The following TMC5 variants were observed in gnomAD, a reference collection of about 807,000 sequenced individuals.
The protein encoded by TMC5 is transmembrane channel-like protein 5.
A neutral mutation model predicts 110.5 loss-of-function variants in TMC5; 86 were observed. The observed-to-expected ratio is 0.78, with a 90% confidence interval of 0.65 to 0.93. The LOEUF (loss-of-function observed/expected upper bound fraction) is 0.93, where lower values mean the gene tolerates loss of function less well. Among genes scored for constraint, TMC5 ranks in the 40% least tolerant of loss-of-function variants. TMC5 has a pLI of 0.00. For synonymous variants in TMC5, 455 were observed against 439.5 expected (o/e 1.04, Z -0.44); for missense variants, 1,144 against 1,222.8 (o/e 0.94, Z 0.96).
chr16:19,414,466 T>C (rs1026772876), upstream of TMC5, among the ~76,000 whole-genome samples: 2 of 152,226 alleles, frequency 1.3e-5, no homozygotes, highest in African/African-American at 4.8e-5. Context: ...TATTCCAGAT[T>C]TCTCCCTCTC....
chr16:19,495,332 T>C lies in TMC5; in HGVS notation c.2931+966T>C, dbSNP rs1969026250. Among the ~76,000 whole-genome samples, 4 of 151,902 alleles carry C rather than the reference T, an allele frequency of 2.6e-5. 1 individual carries two copies. The South Asian group carries it at 8.4e-4, about 32-fold the overall frequency. ...CCCGGCCTACTTCAGTGTCTATTCT[T>C]GCAAATCTATTTCCCTAGGCATCTG... On this transcript the variant is annotated intron_variant, in intron 20 of 21. Transcript: ENST00000542583.
intron 1 of TMC5, among the ~76,000 whole-genome samples, chr16:19,418,730 T>A (rs145255007): frequency 7.4e-6 from 1 of 135,356 alleles, no homozygotes; most frequent in Non-Finnish European, 1.5e-5. Context: ...TTTTTGTGTT[T>A]TTTTTTTTTT....
chr16:19,465,903 A>C (rs1472556046), intron 8 of TMC5, among the ~76,000 whole-genome samples, 179 bp from the exon 9 acceptor site: 3 of 152,170 alleles, frequency 2.0e-5, no homozygotes, highest in African/African-American at 7.2e-5. Flanking sequence ...TTTCTTTTCA[A>C]GTCTGAGAGC....
intron 2 of TMC5, among the ~76,000 whole-genome samples, chr16:19,434,830 T>G (rs1235874613): frequency 6.6e-6 from 1 of 152,116 alleles, no homozygotes; most frequent in African/African-American, 2.4e-5. Context: ...TCCTATGAGA[T>G]ATTATTGTCA....
At chr16:19,487,120 AGCCAGGCCTG>A (rs1478831805) in intron 16 of TMC5, 63 bp from the exon 17 acceptor site, 86 of 1,606,152 alleles carry the variant, frequency 5.4e-5, no homozygotes, top group Non-Finnish European at 6.5e-5. Flanking sequence ...GGTGTCAGGA[AGCCAGGCCTG>A]GCTGGGGTCC....
At chr16:19,456,719 G>T in intron 5 of TMC5, 1 of 1,608,878 alleles carries the variant, frequency 6.2e-7, no homozygotes, top group South Asian at 1.1e-5. Context: ...GCTGTCCGAT[G>T]ACCACGTGAA....
intron 19 of TMC5, chr16:19,492,445 G>GATT (rs1015120409): frequency 8.1e-6 from 3 of 370,142 alleles, no homozygotes; most frequent in Non-Finnish European, 1.4e-5. Context: ...TAATTATGAT[G>GATT]ATTATTATTA....
In TMC5 at chr16:19,466,067, T is replaced by G; in HGVS notation, c.1486-15T>G. ...CAGGAGATCCACCTGACCTATGGTTTATTGTACCTTTCAGGGTTATTTTAG... is the reference window on the plus strand; with the variant it reads ...CAGGAGATCCACCTGACCTATGGTTGATTGTACCTTTCAGGGTTATTTTAG... On this transcript the variant is annotated splice_polypyrimidine_tract_variant and intron_variant, in intron 8 of 21. Coordinates refer to ENST00000542583, the MANE Select transcript of TMC5 (RefSeq NM_001261841.2). 1 of 1,613,568 alleles carries G rather than the reference T, an allele frequency of 6.2e-7. No individual in the cohort carries two copies. The highest frequency in any genetic ancestry group is 2.2e-5 in the East Asian group (1 of 44,858).
chr16:19,451,397 G>A (rs768884580), intron 5 of TMC5, among the ~76,000 whole-genome samples: 2 of 152,114 alleles, frequency 1.3e-5, no homozygotes, highest in Non-Finnish European at 2.9e-5. Flanking sequence ...GAAAACCGTT[G>A]GGATATAAAT....
At chr16:19,477,961 C>G (rs1191246687) in intron 13 of TMC5, among the ~76,000 whole-genome samples, 1 of 152,132 alleles carries the variant, frequency 6.6e-6, no homozygotes, top group East Asian at 1.9e-4. Flanking sequence ...CTGGGCTTTA[C>G]CAATATGTAA....
chr16:19,465,064 C>CG (rs1968144167), intron 8 of TMC5, among the ~76,000 whole-genome samples: 1 of 67,998 alleles, frequency 1.5e-5, no homozygotes, highest in Non-Finnish European at 2.9e-5. Context: ...TCTTTTCCTT[C>CG]CTTCCTTCCT....
chr16:19,414,598 G>T (rs189102556), upstream of TMC5, among the ~76,000 whole-genome samples: 18 of 152,256 alleles, frequency 1.2e-4, no homozygotes, highest in African/African-American at 4.1e-4. Context: ...TTTTGAAAAA[G>T]TTACACTGCC....
At chr16:19,479,626 G>A (rs371365281) in intron 14 of TMC5, 98 bp downstream of exon 14, 1 of 836,816 alleles carries the variant, frequency 1.2e-6, no homozygotes, top group Non-Finnish European at 2.0e-6. Context: ...CATACTCAAA[G>A]CGTGCGTTGT....
Position 19,444,385 on chromosome 16 carries a change from A to G in TMC5, c.958+135A>G, listed in dbSNP as rs188648946. 9 of 737,630 alleles carry G rather than the reference A, an allele frequency of 1.2e-5. No homozygotes were observed. In the East Asian group the frequency reaches 2.4e-4, roughly 20 times the overall value. 45.7% of individuals were successfully genotyped at this position (737,630 alleles called of 1,614,324 possible). On this transcript the variant is annotated intron_variant, in intron 4 of 21. Transcript: ENST00000542583. ...CAATCTCAGAGACCCTTGTTTTTACATACAAAAGTTGAGAATTCAGTGTTT... is the reference window on the plus strand; with the variant it reads ...CAATCTCAGAGACCCTTGTTTTTACGTACAAAAGTTGAGAATTCAGTGTTT...
At chr16:19,446,916 G>A (rs1437945445) in intron 4 of TMC5, among the ~76,000 whole-genome samples, 1 of 152,094 alleles carries the variant, frequency 6.6e-6, no homozygotes, top group Non-Finnish European at 1.5e-5. Context: ...ACTCCTTAAG[G>A]AGAACCTGTA....
At position 19,487,788 on chromosome 16, in the gene TMC5, G is replaced by T. The variant is rs568095445; in HGVS notation, c.2573+462G>T. The T allele has an allele frequency of 4.6e-5, 7 of 152,120 alleles. No individual in the cohort carries two copies. In the South Asian group the frequency reaches 6.3e-4, roughly 14 times the overall value. The allele number at this position is 152,120 out of a possible 1,614,324, so 9.4% of individuals were successfully genotyped here. On this transcript the variant is annotated intron_variant, in intron 17 of 21. Coordinates refer to ENST00000542583, the MANE Select transcript of TMC5 (RefSeq NM_001261841.2). ...GGTATGGTGAAGCCCAACAGGTCAG[G>T]AATGACCATCACTAAAAAGATAGTT...
intron 14 of TMC5, among the ~76,000 whole-genome samples, chr16:19,480,858 T>A (rs2143696013): frequency 6.6e-6 from 1 of 151,276 alleles, no homozygotes. Context: ...GATCTTTTTT[T>A]TTAAATTGGC....
At position 19,437,738 on chromosome 16, in the gene TMC5, C is replaced by T. The variant is rs537067272; in HGVS notation, c.-79-2222C>T. Among the ~76,000 whole-genome samples, 7 of 152,262 alleles carry T rather than the reference C, an allele frequency of 4.6e-5. No homozygotes were observed. In the South Asian group the frequency reaches 6.2e-4, roughly 14 times the overall value. On this transcript the variant is annotated intron_variant, in intron 2 of 21. Coordinates refer to ENST00000542583, the MANE Select transcript of TMC5 (RefSeq NM_001261841.2). Reference sequence around the variant, plus strand: ...CTCATCCTTTCCCTACTGGATCAGCCAACAAATCCTATTGATTCTTTCTTT... The same window carrying T: ...CTCATCCTTTCCCTACTGGATCAGCTAACAAATCCTATTGATTCTTTCTTT...
intron 5 of TMC5, among the ~76,000 whole-genome samples, chr16:19,450,069 C>T (rs12596845): frequency 0.64 from 97,973 of 152,076 alleles, 33,565 homozygotes; most frequent in South Asian, 0.86. Context: ...CAAGACAATC[C>T]ACCCATTGCC....
Sources: allele counts gnomAD v4.1 joint callset (sites outside exome capture counted in the v4.1 genomes callset), GRCh38; gene constraint gnomAD v4.1.1; transcripts MANE v1.5; gene names NCBI Gene and HGNC (gene_info 2026-07-23, HGNC 2026-07-21).